The following KIF7 variants were observed in gnomAD, a reference collection of about 807,000 sequenced individuals.
KIF7 encodes kinesin family member 7.
KIF7 carries 104 observed loss-of-function variants against 135.7 expected under a neutral mutation model. The observed-to-expected ratio is 0.77, with a 90% CI of 0.65 to 0.90. KIF7 has a LOEUF of 0.90. KIF7 is among the 40% of genes least tolerant of loss of function. The pLI, the probability that KIF7 is intolerant of heterozygous loss-of-function variation, is 0.00. For synonymous variants in KIF7, 883 were observed against 809.4 expected (o/e 1.09, Z -1.54); for missense variants, 2,005 against 1,839.1 (o/e 1.09, Z -1.65).
At chr15:89,635,299 C>T (rs1410731310) in intron 11 of KIF7, among the ~76,000 whole-genome samples, 2 of 152,258 alleles carry the variant, frequency 1.3e-5, no homozygotes, top group African/African-American at 2.4e-5. Flanking sequence ...CGCAGTTCCT[C>T]ACCAGCAACG....
rs1479026507 is a variant in KIF7 at position 89,629,086 on chromosome 15, T to A, written c.3554A>T (p.Gln1185Leu). Residue 1185 changes from glutamine to leucine, a missense_variant, in exon 18 of 19, where the codon CAG becomes CTG. Gln to Leu is a moderately radical substitution (Grantham distance 113). Coordinates refer to ENST00000394412, the MANE Select transcript of KIF7 (RefSeq NM_198525.3). ...CAGAGCTTGAATCCGGGCCTCATAC[T>A]GCCTCCTGCTGTCTGCTAACCCTTC... ...LGEGLADSRRQYEARIQALEK... is the reference protein window; with the variant it reads ...LGEGLADSRRLYEARIQALEK... 9 of 1,612,782 alleles carry A rather than the reference T, an allele frequency of 5.6e-6. No individual in the cohort carries two copies. Among genetic ancestry groups the A allele is most frequent in the African/African-American group, 1.3e-5 (1 of 74,354 alleles).
chr15:89,625,832 C>A, downstream of KIF7: 3 of 1,561,950 alleles, frequency 1.9e-6, no homozygotes, highest in South Asian at 3.7e-5. Flanking sequence ...TTCTTTTGGT[C>A]AGAGTGCTTG....
At chr15:89,649,415 G>A (rs1790709519) in intron 3 of KIF7, 48 bp from the exon 4 acceptor site, 21 of 1,441,236 alleles carry the variant, frequency 1.5e-5, no homozygotes, top group Non-Finnish European at 1.8e-5. Flanking sequence ...CCGCCAGACT[G>A]ACCAGCCAGG....
At chr15:89,624,145 G>A (rs755800524), downstream of KIF7, 1 of 1,613,804 alleles carries the variant, frequency 6.2e-7, no homozygotes, top group South Asian at 1.1e-5. Flanking sequence ...TCGGGCAGAG[G>A]AACCAGCCCA....
the KIF7 span, among the ~76,000 whole-genome samples, chr15:89,661,422 A>G: frequency 6.6e-6 from 1 of 152,082 alleles, no homozygotes; most frequent in African/African-American, 2.4e-5. Context: ...ATGAGAAACA[A>G]AAAAATTCAG....
chr15:89,625,961 C>T (rs75843552), downstream of KIF7: 23,606 of 1,590,206 alleles, frequency 0.015, 238 homozygotes, highest in Non-Finnish European at 0.017. Context: ...CCAGCTGTGC[C>T]GTGCGGAGCT....
At position 89,644,906 on chromosome 15, in the gene KIF7, GC is replaced by G; in HGVS notation, c.2191+106del. 6 of 1,459,130 alleles carry G rather than the reference GC, an allele frequency of 4.1e-6. No individual in the cohort carries two copies. The Middle Eastern group carries it at 1.0e-3, about 255-fold the overall frequency. 90.4% of individuals were successfully genotyped at this position (1,459,130 alleles called of 1,614,324 possible). On this transcript the variant is annotated intron_variant, in intron 10 of 18. Transcript: ENST00000394412. ...CTGAGTATCAAACCTAGGCCATCCG[GC>G]CCCTGCTCCTAACCACCTCATTGTT...
rs935846747 is a variant in KIF7 at position 89,652,869 on chromosome 15, C to G, written c.62G>C (p.Arg21Pro). 6 of 1,545,748 alleles carry G rather than the reference C, an allele frequency of 3.9e-6. No individual in the cohort carries two copies. The highest frequency in any genetic ancestry group is 5.2e-6 in the Non-Finnish European group (6 of 1,144,828). ...CTCCTTGGGCAGCAGTGGTCGAACT[C>G]GCAGGGCAACCCGCACTGGGGCCTC... ...AEEAPVRVAL[R>P]VRPLLPKELL... is the part of the protein sequence containing the mutation. Residue 21 changes from arginine (R) to proline (P), a missense_variant, in exon 2 of 19, where the codon CGA becomes CCA. Arg to Pro is a moderately radical substitution (Grantham distance 103, BLOSUM62 -2). Coordinates refer to ENST00000394412, the MANE Select transcript of KIF7 (RefSeq NM_198525.3).
In KIF7 at chr15:89,649,324, C is replaced by T. The variant is rs1411884808; in HGVS notation, c.573G>A (p.Glu191=). 1 of 1,473,808 alleles carries T rather than the reference C, an allele frequency of 6.8e-7. No homozygotes were observed. Among genetic ancestry groups the T allele is most frequent in the Non-Finnish European group, 9.0e-7 (1 of 1,107,540 alleles). The allele number at this position is 1,473,808 out of a possible 1,614,324, so 91.3% of individuals were successfully genotyped here. ...VKEVDVEGLD[E]VLSLLEMGNA... ...TGCCCATCTCCAGGAGGCTCAGCAC[C>T]TCATCCAGGCCCTCCACGTCGACCT... Residue 191 remains glutamate (E), a synonymous_variant, in exon 4 of 19, where the codon GAG becomes GAA. Transcript: ENST00000394412.
the KIF7 span, among the ~76,000 whole-genome samples, chr15:89,662,362 T>C: frequency 1.3e-5 from 2 of 152,146 alleles, no homozygotes; most frequent in African/African-American, 4.8e-5. Context: ...CTGGGCATGG[T>C]GGCGCACACC....
chr15:89,624,826 A>G, downstream of KIF7: 1 of 1,614,148 alleles, frequency 6.2e-7, no homozygotes, highest in South Asian at 1.1e-5. Flanking sequence ...TCACCCTGGG[A>G]TTCCCCCATC....
At chr15:89,638,778 G>T (rs1446558932) in intron 11 of KIF7, among the ~76,000 whole-genome samples, 4 of 151,916 alleles carry the variant, frequency 2.6e-5, no homozygotes, top group African/African-American at 4.8e-5. Context: ...TTTCTTCACA[G>T]AATTGGAAAA....
rs569730394 is a variant in KIF7 at position 89,632,811 on chromosome 15, G to A, written c.2895+9C>T. On this transcript the variant is annotated intron_variant, in intron 14 of 18. Coordinates refer to ENST00000394412, the MANE Select transcript of KIF7 (RefSeq NM_198525.3). ...TCACCTGGCAGGATCTCTCCTGGCA[G>A]GGCCTCACCTGGCTGGATCTCAGGC... 7 of 1,601,520 alleles carry A rather than the reference G, an allele frequency of 4.4e-6. No homozygotes were observed. In the East Asian group the frequency reaches 1.3e-4, roughly 31 times the overall value.
rs548817780 is a variant in KIF7 at position 89,632,214 on chromosome 15, G to A, written c.2896-504C>T. 5.1e-4 allele frequency among the ~76,000 whole-genome samples: 78 copies of A among 152,304 alleles called. 1 individual carries two copies. In the South Asian group the frequency reaches 6.0e-3, roughly 12 times the overall value. ...CCTCTGCGGGCCTAGGACACTGGGC[G>A]TGTGGCCCAAGCCCCTGTACTGGAA... On this transcript the variant is annotated intron_variant, in intron 14 of 18. Coordinates refer to ENST00000394412, the MANE Select transcript of KIF7 (RefSeq NM_198525.3).
At chr15:89,638,890 AACTATACT>A in intron 11 of KIF7, among the ~76,000 whole-genome samples, 1 of 152,302 alleles carries the variant, frequency 6.6e-6, no homozygotes, top group Admixed American at 6.5e-5. Context: ...CCTGACTTCA[AACTATACT>A]ACAAGGCTAC....
chr15:89,659,445 A>AAG (rs377090858), upstream of KIF7, among the ~76,000 whole-genome samples: 2 of 148,518 alleles, frequency 1.3e-5, no homozygotes, highest in African/African-American at 5.2e-5. Flanking sequence ...AGGGGAAAGA[A>AAG]AGAGAGAGAG....
intron 12 of KIF7, 109 bp from the exon 13 acceptor site, chr15:89,633,375 C>T: frequency 7.2e-7 from 1 of 1,396,196 alleles, no homozygotes; most frequent in Non-Finnish European, 9.8e-7. Flanking sequence ...CAAGAGGGCC[C>T]TGCGAAGTGT....
Position 89,645,932 on chromosome 15 carries a change from T to C in KIF7, c.1883A>G (p.Glu628Gly). The C allele has an allele frequency of 1.2e-6, 2 of 1,613,718 alleles. No individual in the cohort carries two copies. The highest frequency in any genetic ancestry group is 1.7e-6 in the Non-Finnish European group (2 of 1,179,952). Residue 628 changes from glutamate (E) to glycine (G), a missense_variant, in exon 8 of 19, where the codon GAG (glutamate) becomes GGG (glycine). By Grantham distance (98) the Glu-to-Gly change is moderately conservative. Transcript: ENST00000394412. ...GSSAASEEEE[E>G]EEEPPRRTLH... ...GGTCCGCCTGGGCGGCTCCTCCTCC[T>C]CCTCTTCCTCCTCTGAAGCAGCTGA... is the stretch of plus-strand genomic sequence containing the variant.
At chr15:89,629,343 C>T (rs749429323) in intron 17 of KIF7, 32 bp downstream of exon 17, 64 of 1,213,208 alleles carry the variant, frequency 5.3e-5, no homozygotes, top group African/African-American at 2.5e-4. Flanking sequence ...TGGAGGGGGC[C>T]GGGGTTGTGA....
Sources: gnomAD v4.1 joint callset for allele counts (sites outside exome capture counted in the v4.1 genomes callset) on GRCh38, gnomAD v4.1.1 for gene constraint, MANE v1.5 for transcripts, NCBI Gene and HGNC (gene_info 2026-07-23, HGNC 2026-07-21) for gene names.